The following ZNF804B variants were observed in gnomAD, a reference collection of about 807,000 sequenced individuals.
The protein encoded by ZNF804B is zinc finger 804B.
In ZNF804B, 80 loss-of-function variants were observed where a neutral mutation model predicts 101.4. The ratio of observed to expected loss-of-function variants is 0.79; its 90% CI spans 0.66 to 0.95. The LOEUF is 0.95. ZNF804B is among the 40% of genes least tolerant of loss of function. The probability of loss-of-function intolerance (pLI) is 0.00; values close to 1 mark genes in which losing one functional copy is unlikely to be tolerated. For synonymous variants in ZNF804B, 622 were observed against 558.8 expected, an observed-to-expected ratio of 1.11 and a Z score of -1.59; for missense variants, 1,673 against 1,561.9, an observed-to-expected ratio of 1.07 and a Z score of -1.20.
At chr7:89,206,477 C>T (rs1436600754) in intron 1 of ZNF804B, among the ~76,000 whole-genome samples, 1 of 152,212 alleles carries the variant, frequency 6.6e-6, no homozygotes, top group African/African-American at 2.4e-5. Context: ...GCTGGCCAGG[C>T]ACGGTGGCTC....
At chr7:89,289,841 G>T (rs915257043) in intron 2 of ZNF804B, among the ~76,000 whole-genome samples, 1 of 152,200 alleles carries the variant, frequency 6.6e-6, no homozygotes, top group Admixed American at 6.5e-5. Context: ...AGAGCCAGTG[G>T]ACTTGGGGGA....
At chr7:89,058,830 A>T (rs1467843323) in intron 1 of ZNF804B, among the ~76,000 whole-genome samples, 1 of 152,118 alleles carries the variant, frequency 6.6e-6, no homozygotes, top group African/African-American at 2.4e-5. Flanking sequence ...AGTAGCTAGG[A>T]CTACAGGCCT....
At chr7:88,895,629 G>A (rs1372045958) in intron 1 of ZNF804B, among the ~76,000 whole-genome samples, 2 of 152,136 alleles carry the variant, frequency 1.3e-5, no homozygotes, top group Non-Finnish European at 2.9e-5. Flanking sequence ...GCATGGTTAT[G>A]GGACTAGGAC....
In ZNF804B at chr7:89,260,529, C is replaced by T. The variant is rs1455610310; in HGVS notation, c.249+42234C>T. On this transcript the variant is annotated intron_variant, in intron 2 of 3. Coordinates refer to ENST00000333190, the MANE Select transcript of ZNF804B (RefSeq NM_181646.5). ...AAAGCTATTTCTATAATCATCAAAC[C>T]ATCCTTTGCTTTATATCCTTCACTG... Among the ~76,000 whole-genome samples the T allele has an allele frequency of 2.0e-5, 3 of 152,106 alleles. 1 individual carries two copies. The highest frequency in any genetic ancestry group is 4.1e-4 in the South Asian group (2 of 4,834).
chr7:89,071,324 AATGTTAATTTTAAAATGTATGC>A (rs1381442783), intron 1 of ZNF804B, among the ~76,000 whole-genome samples: 1 of 152,164 alleles, frequency 6.6e-6, no homozygotes, highest in Non-Finnish European at 1.5e-5. Context: ...CTTTGACAAA[AATGTTAATTTTAAAATGTATGC>A]ATCTGACTTA....
chr7:89,007,096 A>G (rs1788378171), intron 1 of ZNF804B, among the ~76,000 whole-genome samples: 1 of 152,016 alleles, frequency 6.6e-6, no homozygotes, highest in South Asian at 2.1e-4. Flanking sequence ...GTTTCCTTTA[A>G]TTCATTCTCA....
At chr7:89,142,156 A>G (rs534417101) in intron 1 of ZNF804B, among the ~76,000 whole-genome samples, 1 of 152,042 alleles carries the variant, frequency 6.6e-6, no homozygotes, top group Non-Finnish European at 1.5e-5. Context: ...ATGATTTCCC[A>G]TCAAAACTCT....
intron 1 of ZNF804B, among the ~76,000 whole-genome samples, chr7:89,041,890 T>A (rs949813310): frequency 2.0e-5 from 3 of 152,184 alleles, no homozygotes; most frequent in Non-Finnish European, 2.9e-5. Context: ...TTGTTCAAAT[T>A]AATGTTTCTG....
intron 1 of ZNF804B, among the ~76,000 whole-genome samples, chr7:89,138,735 G>A (rs201274828): frequency 5.7e-4 from 87 of 152,100 alleles, no homozygotes; most frequent in East Asian, 3.1e-3. Flanking sequence ...GGTCTTTCCC[G>A]TGCTGTTCTT....
intron 1 of ZNF804B, among the ~76,000 whole-genome samples, chr7:88,854,539 C>CTTTCT (rs377000803): frequency 1.4e-5 from 1 of 73,622 alleles, no homozygotes; most frequent in African/African-American, 7.5e-5. Flanking sequence ...TCCTTCCTTC[C>CTTTCT]TTCCTTCCTT....
intron 1 of ZNF804B, among the ~76,000 whole-genome samples, chr7:89,123,264 G>T (rs1790431579): frequency 2.6e-5 from 4 of 151,958 alleles, no homozygotes; most frequent in Admixed American, 2.6e-4. Flanking sequence ...GTGAACTCAA[G>T]TAGGGGGCAA....
intron 1 of ZNF804B, among the ~76,000 whole-genome samples, chr7:88,905,704 A>G (rs1792459570): frequency 6.6e-6 from 1 of 152,024 alleles, no homozygotes; most frequent in Non-Finnish European, 1.5e-5. Context: ...TATGTTCATC[A>G]GGGATGTTGG....
chr7:89,333,850 AGTGTT>A lies in ZNF804B; in HGVS notation c.869_873del (p.Ser290IlefsTer10). ...AAATATCTCACCAAGCCATCTGGAA[AGTGTT>A]TTACACAATACCATCTCCATAAACT... is the stretch of plus-strand genomic sequence containing the variant. On this transcript the variant is annotated frameshift_variant, in exon 4 of 4. Coordinates refer to ENST00000333190, the MANE Select transcript of ZNF804B (RefSeq NM_181646.5). LOFTEE classifies it high-confidence loss of function. 2 of 1,487,434 alleles carry A rather than the reference AGTGTT, an allele frequency of 1.3e-6. No homozygotes were observed. The highest frequency in any genetic ancestry group is 1.8e-6 in the Non-Finnish European group (2 of 1,100,492). 92.1% of individuals were successfully genotyped at this position (1,487,434 alleles called of 1,614,324 possible).
intron 1 of ZNF804B, among the ~76,000 whole-genome samples, chr7:89,058,080 A>G (rs1789324209): frequency 6.6e-6 from 1 of 152,160 alleles, no homozygotes; most frequent in Admixed American, 6.5e-5. Context: ...CAACATTAAC[A>G]TAGCAGCCCA....
chr7:88,794,089 C>A, intron 1 of ZNF804B: 2 of 1,040,052 alleles, frequency 1.9e-6, no homozygotes, highest in Non-Finnish European at 2.7e-6. Flanking sequence ...TGTTCTGTTT[C>A]TTTTAAAAGA....
chr7:88,863,324 G>A (rs1165231337), intron 1 of ZNF804B, among the ~76,000 whole-genome samples: 2 of 152,146 alleles, frequency 1.3e-5, no homozygotes. Context: ...TCCAGAAAAA[G>A]CTGGTTGTCT....
chr7:88,764,245 G>A (rs1350026226), intron 1 of ZNF804B, among the ~76,000 whole-genome samples: 1 of 151,958 alleles, frequency 6.6e-6, no homozygotes, highest in Admixed American at 6.6e-5. Context: ...TTTTATCTGT[G>A]GTACATATTT....
intron 2 of ZNF804B, among the ~76,000 whole-genome samples, chr7:89,273,472 G>A (rs542732242): frequency 9.9e-5 from 15 of 152,132 alleles, no homozygotes; most frequent in African/African-American, 3.6e-4. Context: ...ACTTAAAGTG[G>A]TCAAGTTCTA....
chr7:88,882,461 T>C (rs1792057798), intron 1 of ZNF804B, among the ~76,000 whole-genome samples: 1 of 152,174 alleles, frequency 6.6e-6, no homozygotes, highest in Admixed American at 6.6e-5. Flanking sequence ...GAAAGCAGTT[T>C]GGAGATTTCT....
Sources: allele counts gnomAD v4.1 joint callset (sites outside exome capture counted in the v4.1 genomes callset), GRCh38; gene constraint gnomAD v4.1.1; transcripts MANE v1.5; gene names NCBI Gene and HGNC (gene_info 2026-07-23, HGNC 2026-07-21).